The following KPNA6 variants were observed in gnomAD, a reference collection of about 807,000 sequenced individuals.
KPNA6 encodes the protein importin subunit alpha-7.
KPNA6 carries 9 observed loss-of-function variants against 72.0 expected under a neutral mutation model. That is an observed-to-expected ratio of 0.13 (90% CI 0.08 to 0.22). KPNA6 has a LOEUF of 0.22. Among genes scored for constraint, KPNA6 ranks in the 10% least tolerant of loss-of-function variants. The pLI is 1.00. For missense variants in KPNA6, 374 were observed against 655.7 expected (o/e 0.57, Z 4.69); for synonymous variants, 219 against 242.1 (o/e 0.90, Z 0.89).
intron 1 of KPNA6, among the ~76,000 whole-genome samples, chr1:32,122,593 T>C (rs924135350): frequency 1.3e-5 from 2 of 152,044 alleles, no homozygotes; most frequent in Non-Finnish European, 2.9e-5. Flanking sequence ...GAGACCAGCA[T>C]GTGCAACTTA....
chr1:32,110,430 C>G (rs1641226681), intron 1 of KPNA6, among the ~76,000 whole-genome samples: 1 of 152,158 alleles, frequency 6.6e-6, no homozygotes, highest in South Asian at 2.1e-4. Context: ...AGCTTCAAGG[C>G]AATGACTGTA....
intron 1 of KPNA6, among the ~76,000 whole-genome samples, chr1:32,120,769 T>C (rs1023705858): frequency 6.6e-6 from 1 of 152,076 alleles, no homozygotes; most frequent in Non-Finnish European, 1.5e-5. Flanking sequence ...GGTTTCGCCA[T>C]GTTGGCCAGG....
chr1:32,154,495 G>A, intron 1 of KPNA6, 93 bp from the exon 2 acceptor site: 2 of 1,377,850 alleles, frequency 1.5e-6, no homozygotes, highest in Non-Finnish European at 2.0e-6. Context: ...CCCCAGAGTA[G>A]GGGAGGGTGA....
chr1:32,147,917 T>G lies in KPNA6; in HGVS notation c.5-6671T>G, dbSNP rs549448712. 2.0e-5 allele frequency among the ~76,000 whole-genome samples: 3 copies of G among 152,196 alleles called. No individual in the cohort carries two copies. The East Asian group carries it at 5.8e-4, about 29-fold the overall frequency. On this transcript the variant is annotated intron_variant, in intron 1 of 13. Coordinates refer to ENST00000373625, the MANE Select transcript of KPNA6 (RefSeq NM_012316.5). ...TCCAACGCAAGCCATTCGCCTGCCT[T>G]GGCCTCCCAGAGTGCTAGGATTACA...
intron 1 of KPNA6, among the ~76,000 whole-genome samples, chr1:32,114,153 A>G (rs1641287631): frequency 6.6e-6 from 1 of 152,106 alleles, no homozygotes; most frequent in Non-Finnish European, 1.5e-5. Context: ...TGGGAAAACA[A>G]CATTAGGCCG....
intron 1 of KPNA6, among the ~76,000 whole-genome samples, chr1:32,112,337 G>A (rs1463833967): frequency 1.3e-5 from 2 of 152,084 alleles, no homozygotes; most frequent in Non-Finnish European, 2.9e-5. Context: ...CAGAGCTAAG[G>A]CAAGTTTGGT....
In KPNA6 at chr1:32,176,373, C is replaced by T. The variant is rs964314555; in HGVS notation, c.*5479C>T. 6.6e-6 allele frequency: 1 copy of T among 152,198 alleles called. No homozygotes were observed. The highest frequency in any genetic ancestry group is 2.4e-5 in the African/African-American group (1 of 41,424). 9.4% of individuals were successfully genotyped at this position (152,198 alleles called of 1,614,324 possible). ...CAATAAACTCTATTTTCCATGTTCT[C>T]AGGGCCCCTGGGTAGACAGACACAG... On this transcript the variant is annotated 3_prime_UTR_variant, in exon 14 of 14. Coordinates refer to ENST00000373625, the MANE Select transcript of KPNA6 (RefSeq NM_012316.5).
chr1:32,118,553 G>C (rs1044946580), intron 1 of KPNA6, among the ~76,000 whole-genome samples: 2 of 151,974 alleles, frequency 1.3e-5, no homozygotes, highest in African/African-American at 4.8e-5. Context: ...CTAGCACTTT[G>C]GGAGGCTCAG....
intron 1 of KPNA6, 58 bp from the exon 2 acceptor site, chr1:32,154,527 CTAG>C: frequency 6.3e-7 from 1 of 1,575,028 alleles, no homozygotes; most frequent in Non-Finnish European, 8.7e-7. Context: ...GGATAGAAGT[CTAG>C]TGAAAAGGAA....
At chr1:32,111,675 C>G (rs146653966) in intron 1 of KPNA6, among the ~76,000 whole-genome samples, 1 of 152,316 alleles carries the variant, frequency 6.6e-6, no homozygotes, top group East Asian at 1.9e-4. Context: ...ACTAACACAG[C>G]CTGCCTTCAC....
At position 32,159,397 on chromosome 1, in the gene KPNA6, C is replaced by A; in HGVS notation, c.427-3C>A. 1 of 1,613,700 alleles carries A rather than the reference C, an allele frequency of 6.2e-7. No homozygotes were observed. Among genetic ancestry groups the A allele is most frequent in the South Asian group, 1.1e-5 (1 of 91,008 alleles). ...TTCAATCATTGCTTAATCTCACTTTCAGTTTGAAGCTGCCTGGGCTCTAAC... is the reference window on the plus strand; with the variant it reads ...TTCAATCATTGCTTAATCTCACTTTAAGTTTGAAGCTGCCTGGGCTCTAAC... On this transcript the variant is annotated splice_region_variant and splice_polypyrimidine_tract_variant and intron_variant, in intron 5 of 13. Transcript: ENST00000373625.
At chr1:32,112,245 G>A (rs576542654) in intron 1 of KPNA6, among the ~76,000 whole-genome samples, 2 of 152,232 alleles carry the variant, frequency 1.3e-5, no homozygotes, top group African/African-American at 4.8e-5. Context: ...GACAGAGATG[G>A]GAAAGCTATA....
intron 1 of KPNA6, among the ~76,000 whole-genome samples, chr1:32,134,431 A>T (rs1304282500): frequency 6.6e-6 from 1 of 151,908 alleles, no homozygotes; most frequent in African/African-American, 2.4e-5. Flanking sequence ...ACTTGAGCCC[A>T]GGAGTTCAAG....
Position 32,173,970 on chromosome 1 carries a change from C to T in KPNA6, c.*3076C>T, listed in dbSNP as rs1220848912. 6.6e-6 allele frequency: 1 copy of T among 152,434 alleles called. No homozygotes were observed. Among genetic ancestry groups the T allele is most frequent in the East Asian group, 1.9e-4 (1 of 5,198 alleles). The allele number at this position is 152,434 out of a possible 1,614,324, so 9.4% of individuals were successfully genotyped here. A position where few individuals can be genotyped will look rare whatever the true frequency, so the allele number is the denominator to read the frequency against. On this transcript the variant is annotated 3_prime_UTR_variant, in exon 14 of 14. Transcript: ENST00000373625. ...AATACTTTTTTGAATGGTGCCAGCCCCTCCAGGCATCCCACCCCCAAATCA... is the reference window on the plus strand; with the variant it reads ...AATACTTTTTTGAATGGTGCCAGCCTCTCCAGGCATCCCACCCCCAAATCA...
At chr1:32,131,240 G>A (rs957939274) in intron 1 of KPNA6, among the ~76,000 whole-genome samples, 1 of 152,210 alleles carries the variant, frequency 6.6e-6, no homozygotes, top group African/African-American at 2.4e-5. Context: ...GTTGCAGTGA[G>A]CCGAGATTGC....
Position 32,171,748 on chromosome 1 carries a change from C to T in KPNA6, c.*854C>T, listed in dbSNP as rs752712587. On this transcript the variant is annotated 3_prime_UTR_variant, in exon 14 of 14. Coordinates refer to ENST00000373625, the MANE Select transcript of KPNA6 (RefSeq NM_012316.5). ...CTACTGATCCCATATTTCCTACTCACCTTCCAAATGGTGCGACCCAACTTC... is the reference window on the plus strand; with the variant it reads ...CTACTGATCCCATATTTCCTACTCATCTTCCAAATGGTGCGACCCAACTTC... The T allele has an allele frequency of 1.3e-5, 2 of 152,256 alleles. No individual in the cohort carries two copies. The highest frequency in any genetic ancestry group is 2.9e-5 in the Non-Finnish European group (2 of 68,066). The allele number at this position is 152,256 out of a possible 1,614,324, so 9.4% of individuals were successfully genotyped here. A position where few individuals can be genotyped will look rare whatever the true frequency, so the allele number is the denominator to read the frequency against.
chr1:32,133,597 A>G (rs1435219433), intron 1 of KPNA6, among the ~76,000 whole-genome samples: 2 of 151,674 alleles, frequency 1.3e-5, no homozygotes, highest in Non-Finnish European at 2.9e-5. Flanking sequence ...AGGCTGAGGT[A>G]GGAAGATTGC....
At chr1:32,147,883 C>T (rs1212713540) in intron 1 of KPNA6, among the ~76,000 whole-genome samples, 4 of 151,942 alleles carry the variant, frequency 2.6e-5, no homozygotes, top group Non-Finnish European at 5.9e-5. Context: ...TGTTCTTGAA[C>T]TCTTGGTCTC....
intron 12 of KPNA6, among the ~76,000 whole-genome samples, chr1:32,168,351 G>A (rs576647294): frequency 1.3e-5 from 2 of 152,254 alleles, no homozygotes; most frequent in African/African-American, 4.8e-5. Flanking sequence ...CACCACGCCC[G>A]GCTAATTTTT....
Sources: allele counts gnomAD v4.1 joint callset (sites outside exome capture counted in the v4.1 genomes callset), GRCh38; gene constraint gnomAD v4.1.1; transcripts MANE v1.5; gene names NCBI Gene and HGNC (gene_info 2026-07-23, HGNC 2026-07-21).